ACAD10: variants seen among roughly 807,000 people sequenced by gnomAD.
ACAD10 encodes ACAD-10.
In ACAD10, 112 loss-of-function variants were observed where a neutral mutation model predicts 116.8. That is an observed-to-expected ratio of 0.96 (90% CI 0.82 to 1.12). ACAD10 has a LOEUF of 1.12. Ranked by LOEUF, ACAD10 falls within the 50% of genes most tolerant of loss-of-function variation. The pLI, the probability that ACAD10 is intolerant of heterozygous loss-of-function variation, is 0.00. For synonymous variants in ACAD10, 486 were observed against 510.6 expected, an observed-to-expected ratio of 0.95 and a Z score of 0.65; for missense variants, 1,259 against 1,350.2, an observed-to-expected ratio of 0.93 and a Z score of 1.06.
At chr12:111,687,088 A>G (rs942676985) in intron 1 of ACAD10, among the ~76,000 whole-genome samples, 1 of 152,160 alleles carries the variant, frequency 6.6e-6, no homozygotes, top group Non-Finnish European at 1.5e-5. Flanking sequence ...GACACAATCA[A>G]TGCATATGGG....
chr12:111,743,139 C>G (rs1020279279), intron 12 of ACAD10, among the ~76,000 whole-genome samples: 4 of 152,152 alleles, frequency 2.6e-5, no homozygotes, highest in South Asian at 2.1e-4. Context: ...TGAAAAAGTT[C>G]ACTGTGAGGA....
chr12:111,748,490 G>A lies in ACAD10; in HGVS notation c.2644+15G>A. On this transcript the variant is annotated intron_variant, in intron 17 of 20. Transcript: ENST00000313698. The stretch of plus-strand genomic sequence containing the variant: ...AGATGCACCAGGTGAGACCTCCAGG[G>A]GCGGGTCACCCCTGGGTGTGGGTCT... The A allele has an allele frequency of 6.2e-7, 1 of 1,612,396 alleles. No individual in the cohort carries two copies. The highest frequency in any genetic ancestry group is 8.5e-7 in the Non-Finnish European group (1 of 1,179,850).
At chr12:111,706,765 T>C (rs1264116041) in intron 4 of ACAD10, among the ~76,000 whole-genome samples, 1 of 122,410 alleles carries the variant, frequency 8.2e-6, no homozygotes, top group Non-Finnish European at 1.6e-5. Flanking sequence ...TATTTTTTTA[T>C]ATATATATAT....
chr12:111,743,369 G>GTT (rs869257828), intron 12 of ACAD10, among the ~76,000 whole-genome samples: 36 of 136,420 alleles, frequency 2.6e-4, no homozygotes, highest in African/African-American at 2.9e-4. Context: ...GAAATATTCT[G>GTT]TTTTTTTTTT....
At chr12:111,748,699 G>A in intron 17 of ACAD10, 1 of 618,996 alleles carries the variant, frequency 1.6e-6, no homozygotes, top group Non-Finnish European at 2.8e-6. Flanking sequence ...TCTAAACTTA[G>A]AAAGTAATCA....
In ACAD10 at chr12:111,699,663, C is replaced by T. The variant is rs574017292; in HGVS notation, c.188-2499C>T. Among the ~76,000 whole-genome samples, 24 of 151,968 alleles carry T rather than the reference C, an allele frequency of 1.6e-4. No individual in the cohort carries two copies. In the East Asian group the frequency reaches 3.3e-3, roughly 21 times the overall value. On this transcript the variant is annotated intron_variant, in intron 2 of 20. Transcript: ENST00000313698. ...TGGTGGATGTGATGGCTTATGGCTA[C>T]GATCCCAGCACTTTGGGAGGCCGAG...
chr12:111,716,067 T>G, intron 7 of ACAD10, 105 bp downstream of exon 7: 2 of 1,477,376 alleles, frequency 1.4e-6, no homozygotes, highest in Non-Finnish European at 9.2e-7. Flanking sequence ...CCCAAGACAT[T>G]TAAAACTACA....
At chr12:111,729,097 A>G (rs1421737173) in intron 9 of ACAD10, among the ~76,000 whole-genome samples, 1 of 152,224 alleles carries the variant, frequency 6.6e-6, no homozygotes, top group African/African-American at 2.4e-5. Flanking sequence ...AGAGATGTTA[A>G]GTAACCTGCC....
chr12:111,719,751 A>G (rs1888962167), intron 7 of ACAD10, among the ~76,000 whole-genome samples: 1 of 151,712 alleles, frequency 6.6e-6, no homozygotes, highest in Non-Finnish European at 1.5e-5. Flanking sequence ...TTTTTGAGAC[A>G]GAGTCTCGCT....
At chr12:111,715,456 G>A (rs1566150264) in intron 6 of ACAD10, 1 of 252,486 alleles carries the variant, frequency 4.0e-6, no homozygotes, top group Non-Finnish European at 7.9e-6. Flanking sequence ...CATTCCATTT[G>A]GCAAGATGGG....
chr12:111,692,860 G>T lies in ACAD10; in HGVS notation c.151G>T (p.Gly51Ter). 6.2e-7 allele frequency: 1 copy of T among 1,614,162 alleles called. No individual in the cohort carries two copies. The highest frequency in any genetic ancestry group is 1.3e-5 in the African/African-American group (1 of 75,034). Residue 51 changes from glycine to a stop codon, truncating the protein, a stop_gained, in exon 2 of 21, where the codon GGA becomes TGA. Transcript: ENST00000313698. LOFTEE classifies it high-confidence loss of function. ...CAGAGCGGTGATTTTCGACATGGGC[G>T]GAGTTCTCATTCCTTCTCCAGGGAG... ...TYRAVIFDMG[G>*]VLIPSPGRVA...
intron 8 of ACAD10, 179 bp downstream of exon 8, chr12:111,721,918 A>G (rs1889024093): frequency 2.3e-6 from 1 of 431,332 alleles, no homozygotes; most frequent in South Asian, 7.6e-5. Context: ...AGATAAGTAT[A>G]TGCCTGCTTT....
chr12:111,729,388 C>A (rs1889322694), intron 9 of ACAD10, among the ~76,000 whole-genome samples: 1 of 152,174 alleles, frequency 6.6e-6, no homozygotes, highest in Non-Finnish European at 1.5e-5. Context: ...CAGGCACCCA[C>A]CACCACACCT....
At position 111,753,931 on chromosome 12, in the gene ACAD10, C is replaced by G. The variant is rs186002130; in HGVS notation, c.2961+16C>G. Reference sequence around the variant, plus strand: ...AGGAAACAAGGTAGGGGCAGGGGCACGAGGGGGCCTCCCAGAGGCAGAGAT... The same window carrying G: ...AGGAAACAAGGTAGGGGCAGGGGCAGGAGGGGGCCTCCCAGAGGCAGAGAT... On this transcript the variant is annotated intron_variant, in intron 19 of 20. Coordinates refer to ENST00000313698, the MANE Select transcript of ACAD10 (RefSeq NM_025247.6). 2 of 1,587,582 alleles carry G rather than the reference C, an allele frequency of 1.3e-6. No individual in the cohort carries two copies. Among genetic ancestry groups the G allele is most frequent in the South Asian group, 2.3e-5 (2 of 88,492 alleles).
chr12:111,704,306 C>T (rs682212), intron 3 of ACAD10, among the ~76,000 whole-genome samples: 41,654 of 151,488 alleles, frequency 0.27, 7,574 homozygotes, highest in East Asian at 0.9. Flanking sequence ...CAGCTCCAGC[C>T]AATTTTTGTA....
Position 111,748,381 on chromosome 12 carries a change from A to C in ACAD10, c.2550A>C (p.Arg850Ser). Residue 850 changes from arginine to serine, a missense_variant, in exon 17 of 21, where the codon AGA (arginine) becomes AGC (serine). Physicochemically the swap from Arg to Ser is moderately radical, Grantham distance 110 (BLOSUM62 -1). Coordinates refer to ENST00000313698, the MANE Select transcript of ACAD10 (RefSeq NM_025247.6). ...GAAAAACAGACCCACATGCACCAAG[A>C]CACCGGCAGCAGTCTGTGCTCTTGG... ...FMGKTDPHAPRHRQQSVLLVP... is the reference protein window; with the variant it reads ...FMGKTDPHAPSHRQQSVLLVP... 1.2e-6 allele frequency: 2 copies of C among 1,614,122 alleles called. No homozygotes were observed. The highest frequency in any genetic ancestry group is 1.7e-6 in the Non-Finnish European group (2 of 1,180,028).
At chr12:111,733,870 C>G in intron 10 of ACAD10, 53 bp from the exon 11 acceptor site, 1 of 1,610,504 alleles carries the variant, frequency 6.2e-7, no homozygotes, top group Non-Finnish European at 8.5e-7. Context: ...GCAGAATCCA[C>G]CCTAGCCGGC....
chr12:111,746,094 T>G, intron 13 of ACAD10, 50 bp from the exon 14 acceptor site: 3 of 1,593,300 alleles, frequency 1.9e-6, no homozygotes, highest in Non-Finnish European at 2.6e-6. Context: ...CGGTTCAAAA[T>G]AAAATGAAAT....
chr12:111,729,754 C>T (rs1889332404), intron 9 of ACAD10, 52 bp from the exon 10 acceptor site: 5 of 1,585,084 alleles, frequency 3.2e-6, no homozygotes, highest in Admixed American at 3.5e-5. Flanking sequence ...TTTTCCGCTA[C>T]TTTCAGAGGT....
Sources: gnomAD v4.1 joint callset for allele counts (sites outside exome capture counted in the v4.1 genomes callset) on GRCh38, gnomAD v4.1.1 for gene constraint, MANE v1.5 for transcripts, NCBI Gene and HGNC (gene_info 2026-07-23, HGNC 2026-07-21) for gene names.